CSMD3: variants seen among roughly 807,000 people sequenced by gnomAD.
The protein encoded by CSMD3 is CUB and sushi domain-containing protein 3.
A neutral mutation model predicts 435.2 loss-of-function variants in CSMD3; 177 were observed. The observed-to-expected ratio is 0.41, with a 90% confidence interval of 0.36 to 0.46. CSMD3 has a LOEUF of 0.46. CSMD3 is among the 20% of genes least tolerant of loss of function. CSMD3 has a pLI of 0.34. For missense variants in CSMD3, 4,265 were observed against 4,504.6 expected (o/e 0.95, Z 1.52); for synonymous variants, 1,656 against 1,520.5 (o/e 1.09, Z -2.07).
At chr8:113,018,881 A>C in intron 6 of CSMD3, 186 bp downstream of exon 6, 1 of 600,202 alleles carries the variant, frequency 1.7e-6, no homozygotes, top group South Asian at 2.0e-5. Context: ...ATACTATAAA[A>C]TCAACTAACT....
intron 2 of CSMD3, among the ~76,000 whole-genome samples, chr8:113,297,304 C>T (rs1031263622): frequency 4.0e-5 from 6 of 149,538 alleles, no homozygotes; most frequent in African/African-American, 7.7e-5. Flanking sequence ...AGAATCTGGT[C>T]GCACATTAAC....
At chr8:112,415,597 A>T (rs1426897873) in intron 32 of CSMD3, among the ~76,000 whole-genome samples, 1 of 152,108 alleles carries the variant, frequency 6.6e-6, no homozygotes, top group East Asian at 1.9e-4. Context: ...CCAGATCCAG[A>T]TGGTAGATTC....
intron 32 of CSMD3, among the ~76,000 whole-genome samples, chr8:112,429,194 C>T (rs1156503911): frequency 2.6e-5 from 4 of 151,956 alleles, no homozygotes; most frequent in Admixed American, 2.6e-4. Flanking sequence ...CCCCACCTTC[C>T]CACCCCACTA....
intron 16 of CSMD3, among the ~76,000 whole-genome samples, chr8:112,680,815 A>T (rs753252768): frequency 2.0e-5 from 3 of 152,200 alleles, no homozygotes; most frequent in Non-Finnish European, 4.4e-5. Flanking sequence ...TATATAGGTA[A>T]TGCTTCAATT....
rs1361813484 is a variant in CSMD3 at position 112,410,678 on chromosome 8, A to ATATATATATGTATATATATATGTGTG, written c.5396-1647_5396-1646insCACACATATATATATACATATATATA. Among the ~76,000 whole-genome samples the ATATATATATGTATATATATATGTGTG allele has an allele frequency of 3.0e-4, 24 of 79,184 alleles. 1 individual carries two copies. The South Asian group carries it at 7.6e-3, about 25-fold the overall frequency. The allele number at this position is 79,184 out of a possible 152,430, so 51.9% of individuals were successfully genotyped here. A position where few individuals can be genotyped will look rare whatever the true frequency, so the allele number is the denominator to read the frequency against. ...TATATATATGTATATATATATGTGTATATATATATGTATATATATATGTGT... is the reference window on the plus strand; with the variant it reads ...TATATATATGTATATATATATGTGTATATATATATGTATATATATATGTGTGTATATATATGTATATATATATGTGT... On this transcript the variant is annotated intron_variant, in intron 32 of 70. Coordinates refer to ENST00000297405, the MANE Select transcript of CSMD3 (RefSeq NM_198123.2).
chr8:112,928,501 C>T (rs1023074943), intron 9 of CSMD3, among the ~76,000 whole-genome samples: 8 of 152,200 alleles, frequency 5.3e-5, no homozygotes, highest in African/African-American at 1.7e-4. Flanking sequence ...TGTGATCTCA[C>T]TGTTCAATTC....
Position 112,498,925 on chromosome 8 carries a change from C to T in CSMD3, c.5083+4865G>A, listed in dbSNP as rs116753374. On this transcript the variant is annotated intron_variant, in intron 30 of 70. Coordinates refer to ENST00000297405, the MANE Select transcript of CSMD3 (RefSeq NM_198123.2). ...TTTTAAAACAGAAAACACCTCTTTACGATGCTCAAAAGCAATCAAGTAGCA... is the reference window on the plus strand; with the variant it reads ...TTTTAAAACAGAAAACACCTCTTTATGATGCTCAAAAGCAATCAAGTAGCA... Among the ~76,000 whole-genome samples the T allele has an allele frequency of 5.1e-3, 782 of 152,202 alleles. 8 individuals carry two copies. The highest frequency in any genetic ancestry group is 0.014 in the African/African-American group (600 of 41,550).
At chr8:113,425,809 C>T (rs2094633027) in intron 1 of CSMD3, among the ~76,000 whole-genome samples, 1 of 151,556 alleles carries the variant, frequency 6.6e-6, no homozygotes, top group African/African-American at 2.4e-5. Context: ...ATTTCTATTA[C>T]AAACTTCATT....
intron 22 of CSMD3, among the ~76,000 whole-genome samples, chr8:112,594,383 G>A (rs189310324): frequency 6.6e-5 from 10 of 152,134 alleles, no homozygotes; most frequent in East Asian, 1.9e-4. Context: ...ACAGAGTCTC[G>A]CTGATTGCTA....
intron 1 of CSMD3, among the ~76,000 whole-genome samples, chr8:113,365,181 G>A (rs373587882): frequency 1.9e-4 from 29 of 151,812 alleles, no homozygotes; most frequent in African/African-American, 7.0e-4. Flanking sequence ...TAAGCAGAAG[G>A]AAATTTTAAA....
intron 1 of CSMD3, among the ~76,000 whole-genome samples, chr8:113,393,863 G>T (rs1022980997): frequency 6.6e-6 from 1 of 151,434 alleles, no homozygotes; most frequent in Non-Finnish European, 1.5e-5. Flanking sequence ...TTTAACTTTT[G>T]GGAAGCCTTT....
chr8:112,320,585 A>G (rs956080575), intron 45 of CSMD3, among the ~76,000 whole-genome samples: 1 of 151,418 alleles, frequency 6.6e-6, no homozygotes, highest in South Asian at 2.1e-4. Flanking sequence ...GGTGTGCTGC[A>G]CCCATTAACT....
intron 12 of CSMD3, among the ~76,000 whole-genome samples, chr8:112,805,109 T>A (rs2079053934): frequency 6.6e-6 from 1 of 152,156 alleles, no homozygotes; most frequent in African/African-American, 2.4e-5. Flanking sequence ...ATATTGGGAA[T>A]AGGTTTTCTT....
chr8:113,224,415 G>C (rs1265263289), intron 3 of CSMD3, among the ~76,000 whole-genome samples: 1 of 151,098 alleles, frequency 6.6e-6, no homozygotes, highest in East Asian at 2.0e-4. Flanking sequence ...ATTATATAAT[G>C]AATTACTATC....
chr8:113,222,104 G>A (rs1226104865), intron 3 of CSMD3, among the ~76,000 whole-genome samples: 1 of 151,182 alleles, frequency 6.6e-6, no homozygotes, highest in East Asian at 1.9e-4. Context: ...ATGACAAAAG[G>A]ATTACTGTTC....
intron 12 of CSMD3, among the ~76,000 whole-genome samples, chr8:112,814,192 T>A (rs1218199296): frequency 6.6e-6 from 1 of 152,072 alleles, no homozygotes; most frequent in African/African-American, 2.4e-5. Context: ...GAAGAGGAAA[T>A]TGATTCAGGG....
chr8:112,920,995 GCGCACACACACACA>G lies in CSMD3; in HGVS notation c.1633+618_1633+631del, dbSNP rs1379012667. The stretch of plus-strand genomic sequence containing the variant: ...TATATATGTACACACATACGCGCGC[GCGCACACACACACA>G]CACACACACACACACACACACACAC... On this transcript the variant is annotated intron_variant, in intron 10 of 70. Coordinates refer to ENST00000297405, the MANE Select transcript of CSMD3 (RefSeq NM_198123.2). 3.8e-3 allele frequency among the ~76,000 whole-genome samples: 412 copies of G among 108,922 alleles called. 1 individual carries two copies. Among genetic ancestry groups the G allele is most frequent in the African/African-American group, 0.014 (382 of 26,436 alleles). 71.5% of individuals were successfully genotyped at this position (108,922 alleles called of 152,430 possible). A position where few individuals can be genotyped will look rare whatever the true frequency, so the allele number is the denominator to read the frequency against.
At chr8:112,871,691 T>C (rs2081139980) in intron 10 of CSMD3, among the ~76,000 whole-genome samples, 3 of 152,046 alleles carry the variant, frequency 2.0e-5, no homozygotes, top group Admixed American at 2.0e-4. Flanking sequence ...TTGTGTTGAG[T>C]GTCAAGATTT....
At chr8:112,953,986 T>C (rs910575021) in intron 8 of CSMD3, among the ~76,000 whole-genome samples, 30 of 151,432 alleles carry the variant, frequency 2.0e-4, no homozygotes, top group Non-Finnish European at 2.2e-4. Flanking sequence ...GTTGACAATT[T>C]CCTAATTTTG....
Sources: gnomAD v4.1 joint callset for allele counts (sites outside exome capture counted in the v4.1 genomes callset) on GRCh38, gnomAD v4.1.1 for gene constraint, MANE v1.5 for transcripts, NCBI Gene and HGNC (gene_info 2026-07-23, HGNC 2026-07-21) for gene names.